Variants in CSMD1 observed in about 807,000 individuals in gnomAD.
The protein encoded by CSMD1 is CUB and Sushi multiple domains 1.
A neutral mutation model predicts 417.5 loss-of-function variants in CSMD1; 213 were observed. The observed-to-expected ratio is 0.51, with a 90% CI of 0.46 to 0.57. CSMD1 has a LOEUF of 0.57. CSMD1 is among the 20% of genes least tolerant of loss of function. The probability of loss-of-function intolerance (pLI) is 0.00; values close to 1 mark genes in which losing one functional copy is unlikely to be tolerated. For missense variants in CSMD1, 6,923 were observed against 4,529.7 expected (o/e 1.53, Z -15.17); for synonymous variants, 2,862 against 1,736.8 (o/e 1.65, Z -16.11).
chr8:3,261,003 C>G (rs1046563633), intron 26 of CSMD1, among the ~76,000 whole-genome samples: 1 of 141,736 alleles, frequency 7.1e-6, no homozygotes, highest in Non-Finnish European at 1.5e-5. Context: ...ACAACAACAA[C>G]AAACAAATAC....
chr8:4,407,515 A>G (rs1805115458), intron 3 of CSMD1, among the ~76,000 whole-genome samples: 1 of 152,192 alleles, frequency 6.6e-6, no homozygotes, highest in South Asian at 2.1e-4. Context: ...GTATTTTTAC[A>G]GTGTTTAAAT....
chr8:4,007,464 G>C (rs1480130355), intron 4 of CSMD1, among the ~76,000 whole-genome samples: 1 of 152,048 alleles, frequency 6.6e-6, no homozygotes. Flanking sequence ...TCTGACTTCA[G>C]AGCCCCTCAC....
intron 1 of CSMD1, among the ~76,000 whole-genome samples, chr8:4,904,638 C>T (rs1289945603): frequency 3.9e-5 from 6 of 152,102 alleles, no homozygotes; most frequent in Non-Finnish European, 4.4e-5. Flanking sequence ...CCATCCAAGT[C>T]AACCAGAAGT....
intron 3 of CSMD1, among the ~76,000 whole-genome samples, chr8:4,108,408 T>C (rs1330969328): frequency 6.6e-6 from 1 of 152,186 alleles, no homozygotes; most frequent in Non-Finnish European, 1.5e-5. Flanking sequence ...GTTCATAGCA[T>C]ACGACAAAGT....
chr8:4,577,675 T>C (rs1585276151), intron 2 of CSMD1, among the ~76,000 whole-genome samples: 1 of 152,208 alleles, frequency 6.6e-6, no homozygotes, highest in Non-Finnish European at 1.5e-5. Flanking sequence ...CCCTGAATGC[T>C]AAGAGAGGAC....
intron 5 of CSMD1, among the ~76,000 whole-genome samples, chr8:3,915,689 CTA>C (rs1301899777): frequency 6.6e-6 from 1 of 151,236 alleles, no homozygotes; most frequent in Non-Finnish European, 1.5e-5. Context: ...ATGTAGAACT[CTA>C]TCTCTGTTAT....
At chr8:4,978,596 C>T (rs1446891983) in intron 1 of CSMD1, among the ~76,000 whole-genome samples, 1 of 152,170 alleles carries the variant, frequency 6.6e-6, no homozygotes, top group African/African-American at 2.4e-5. Context: ...CCATTTAAAA[C>T]ACTCAAAAGT....
At chr8:4,912,798 A>G (rs935630038) in intron 1 of CSMD1, among the ~76,000 whole-genome samples, 22 of 151,540 alleles carry the variant, frequency 1.5e-4, no homozygotes, top group South Asian at 4.2e-4. Flanking sequence ...TTTTTTTTGG[A>G]GGGGGGGCAC....
At chr8:3,002,488 A>G (rs958921213) in intron 52 of CSMD1, among the ~76,000 whole-genome samples, 1 of 152,184 alleles carries the variant, frequency 6.6e-6, no homozygotes, top group Admixed American at 6.5e-5. Context: ...TGACACCAGC[A>G]ATTCCTTTTG....
intron 3 of CSMD1, among the ~76,000 whole-genome samples, chr8:4,052,640 C>T (rs757879314): frequency 3.9e-5 from 6 of 152,126 alleles, no homozygotes; most frequent in Non-Finnish European, 8.8e-5. Context: ...TAGGCATCTC[C>T]TTTGGAAAAG....
chr8:4,320,484 T>G (rs1421424495), intron 3 of CSMD1, among the ~76,000 whole-genome samples: 2 of 152,120 alleles, frequency 1.3e-5, no homozygotes, highest in Non-Finnish European at 2.9e-5. Flanking sequence ...CATTAGATAT[T>G]TTTCCTAATG....
intron 1 of CSMD1, among the ~76,000 whole-genome samples, chr8:4,706,157 T>A (rs1807927484): frequency 6.6e-6 from 1 of 150,944 alleles, no homozygotes; most frequent in Non-Finnish European, 1.5e-5. Flanking sequence ...TTTTATGTAT[T>A]TATATACTGT....
chr8:4,821,359 A>G (rs1330609707), intron 1 of CSMD1, among the ~76,000 whole-genome samples: 2 of 152,178 alleles, frequency 1.3e-5, no homozygotes, highest in East Asian at 1.9e-4. Context: ...ATAGTTAAAT[A>G]GCTCCAAAGA....
chr8:3,196,861 G>A (rs896727768), intron 33 of CSMD1, among the ~76,000 whole-genome samples: 2 of 152,138 alleles, frequency 1.3e-5, no homozygotes, highest in African/African-American at 4.8e-5. Flanking sequence ...TCAACGGCAC[G>A]AAACTAAAGA....
At chr8:3,420,987 C>A (rs1813452364) in intron 12 of CSMD1, among the ~76,000 whole-genome samples, 1 of 151,996 alleles carries the variant, frequency 6.6e-6, no homozygotes, top group Admixed American at 6.6e-5. Context: ...TAGTTTTCCT[C>A]TGTGCTGTAG....
chr8:4,460,512 G>A (rs190747498), intron 2 of CSMD1, among the ~76,000 whole-genome samples: 31 of 151,952 alleles, frequency 2.0e-4, no homozygotes, highest in African/African-American at 5.1e-4. Flanking sequence ...AAAAATGAAC[G>A]TAAGCAAATT....
chr8:3,175,192 C>G (rs1234718653), intron 37 of CSMD1, among the ~76,000 whole-genome samples: 1 of 152,152 alleles, frequency 6.6e-6, no homozygotes, highest in Non-Finnish European at 1.5e-5. Flanking sequence ...TTTGAACATT[C>G]AACTATACTA....
intron 3 of CSMD1, among the ~76,000 whole-genome samples, chr8:4,128,625 C>T (rs573386456): frequency 2.6e-5 from 4 of 152,220 alleles, no homozygotes; most frequent in East Asian, 1.9e-4. Context: ...CTTGCTTTTT[C>T]CTCTTGAAGC....
chr8:4,270,943 A>G (rs1262374380), intron 3 of CSMD1, among the ~76,000 whole-genome samples: 1 of 152,144 alleles, frequency 6.6e-6, no homozygotes, highest in African/African-American at 2.4e-5. Context: ...CCCTAGAGAG[A>G]GAGGGAGCAC....
Sources: allele counts gnomAD v4.1 joint callset (sites outside exome capture counted in the v4.1 genomes callset), GRCh38; gene constraint gnomAD v4.1.1; transcripts MANE v1.5; gene names NCBI Gene and HGNC (gene_info 2026-07-23, HGNC 2026-07-21).